The following COMMD1 variants were observed in gnomAD, a reference collection of about 807,000 sequenced individuals.
COMMD1 encodes the protein copper metabolism domain containing 1, also known as COMM domain-containing protein 1.
Under a neutral mutation model 17.2 loss-of-function variants are expected in COMMD1, and 10 were observed. That is an observed-to-expected ratio of 0.58 (90% CI 0.36 to 0.99). COMMD1 has a LOEUF of 0.99. Among genes scored for constraint, COMMD1 ranks in the 50% least tolerant of loss-of-function variants. COMMD1 has a pLI of 0.01. For synonymous variants in COMMD1, 97 were observed against 91.6 expected (o/e 1.06, Z -0.34); for missense variants, 270 against 231.8 (o/e 1.17, Z -1.07).
At chr2:62,096,392 T>A (rs1367727974) in intron 2 of COMMD1, among the ~76,000 whole-genome samples, 1 of 152,192 alleles carries the variant, frequency 6.6e-6, no homozygotes, top group African/African-American at 2.4e-5. Context: ...GTCACCATGT[T>A]TTTGAGTTAA....
At chr2:61,942,361 C>T (rs537667328) in intron 1 of COMMD1, among the ~76,000 whole-genome samples, 3 of 152,066 alleles carry the variant, frequency 2.0e-5, no homozygotes, top group East Asian at 1.9e-4. Context: ...ACCTCGGCCT[C>T]CCAAAGTGCT....
intron 2 of COMMD1, among the ~76,000 whole-genome samples, chr2:62,116,650 C>A (rs188306672): frequency 8.5e-6 from 1 of 118,052 alleles, no homozygotes; most frequent in African/African-American, 3.3e-5. Flanking sequence ...CCAGCCTGGG[C>A]GACAGAGCGA....
intron 1 of COMMD1, among the ~76,000 whole-genome samples, chr2:61,925,740 G>A (rs1208542520): frequency 1.3e-5 from 2 of 152,046 alleles, no homozygotes; most frequent in East Asian, 3.9e-4. Flanking sequence ...GTCTCTCTGG[G>A]CCTCATAATT....
At chr2:62,116,521 AAT>A (rs1672607357) in intron 2 of COMMD1, among the ~76,000 whole-genome samples, 1 of 151,862 alleles carries the variant, frequency 6.6e-6, no homozygotes, top group African/African-American at 2.4e-5. Context: ...AAAATACCCG[AAT>A]TAGTCGGGCG....
chr2:62,123,322 G>A (rs929485965), intron 2 of COMMD1, among the ~76,000 whole-genome samples: 1 of 151,828 alleles, frequency 6.6e-6, no homozygotes, highest in African/African-American at 2.4e-5. Context: ...TGGCCAATAT[G>A]GTGAAACCCC....
intron 1 of COMMD1, among the ~76,000 whole-genome samples, chr2:61,990,899 T>TACACACAC (rs1229251159): frequency 2.9e-5 from 2 of 69,294 alleles, no homozygotes; most frequent in African/African-American, 4.3e-5. Context: ...AAAATATATA[T>TACACACAC]ATATACACAC....
chr2:62,120,811 G>T (rs1672721665), intron 2 of COMMD1, among the ~76,000 whole-genome samples: 1 of 151,944 alleles, frequency 6.6e-6, no homozygotes, highest in Non-Finnish European at 1.5e-5. Context: ...CTGCAGTCTT[G>T]ACCTGTGCTC....
chr2:61,907,395 C>T (rs1265643050), intron 1 of COMMD1, among the ~76,000 whole-genome samples: 1 of 152,204 alleles, frequency 6.6e-6, no homozygotes, highest in South Asian at 2.1e-4. Flanking sequence ...GTGAGCCACC[C>T]GGCCCGGCCA....
intron 2 of COMMD1, among the ~76,000 whole-genome samples, chr2:62,019,099 T>C (rs1162013341): frequency 2.6e-4 from 26 of 100,012 alleles, no homozygotes; most frequent in African/African-American, 9.7e-4. Flanking sequence ...TCTCTCTCTC[T>C]CTTCCCTCCC....
intron 2 of COMMD1, among the ~76,000 whole-genome samples, chr2:62,018,194 A>T (rs77288733): frequency 3.0e-4 from 46 of 152,256 alleles, no homozygotes; most frequent in African/African-American, 1.1e-3. Context: ...CACATGGCAC[A>T]TGGCTACCCA....
intron 2 of COMMD1, among the ~76,000 whole-genome samples, chr2:62,014,084 A>G (rs1225099738): frequency 6.6e-6 from 1 of 152,126 alleles, no homozygotes; most frequent in African/African-American, 2.4e-5. Flanking sequence ...AGAGGAGGAG[A>G]GAAAAAGATG....
At chr2:61,894,024 G>C (rs1285891169) in intron 1 of COMMD1, among the ~76,000 whole-genome samples, 2 of 152,104 alleles carry the variant, frequency 1.3e-5, no homozygotes, top group African/African-American at 4.8e-5. Context: ...TTGTGCCTGT[G>C]ACTAGCCATT....
intron 1 of COMMD1, among the ~76,000 whole-genome samples, chr2:61,930,596 T>C (rs145475265): frequency 0.01 from 1,561 of 149,600 alleles, 25 homozygotes; most frequent in African/African-American, 0.036. Context: ...TCTAAGAGAC[T>C]ATTGGATAAA....
At chr2:61,920,069 T>C (rs915030222) in intron 1 of COMMD1, among the ~76,000 whole-genome samples, 5 of 152,212 alleles carry the variant, frequency 3.3e-5, no homozygotes, top group African/African-American at 1.2e-4. Context: ...GTTGAGGATG[T>C]GCAGGAGGAT....
chr2:62,086,395 C>T (rs951310787), intron 2 of COMMD1, among the ~76,000 whole-genome samples: 3 of 151,332 alleles, frequency 2.0e-5, no homozygotes, highest in African/African-American at 7.3e-5. Context: ...CCTGTAGTCC[C>T]AGCTGCTGGG....
chr2:62,117,685 C>A (rs1161738153), intron 2 of COMMD1, among the ~76,000 whole-genome samples: 1 of 152,154 alleles, frequency 6.6e-6, no homozygotes, highest in African/African-American at 2.4e-5. Flanking sequence ...TAAATGTTAG[C>A]CATTGTTGGT....
intron 2 of COMMD1, among the ~76,000 whole-genome samples, chr2:62,093,824 A>G (rs1671914107): frequency 6.6e-6 from 1 of 152,200 alleles, no homozygotes; most frequent in African/African-American, 2.4e-5. Flanking sequence ...CTCTGTTTCC[A>G]TAGCATGCCA....
At position 62,117,009 on chromosome 2, in the gene COMMD1, A is replaced by G. The variant is rs549387610; in HGVS notation, c.463-18822A>G. 1.8e-3 allele frequency among the ~76,000 whole-genome samples: 272 copies of G among 152,162 alleles called. 1 individual carries two copies. Among genetic ancestry groups the G allele is most frequent in the Middle Eastern group, 0.01 (3 of 292 alleles). On this transcript the variant is annotated intron_variant, in intron 2 of 2. Transcript: ENST00000311832. Reference sequence around the variant, plus strand: ...AAAACTTCGTCTCAAAAAAAAAAAAAAAAAAATGACAAAGATGAACCTTGC... The same window carrying G: ...AAAACTTCGTCTCAAAAAAAAAAAAGAAAAAATGACAAAGATGAACCTTGC...
At chr2:61,974,215 A>G (rs1333940817) in intron 1 of COMMD1, among the ~76,000 whole-genome samples, 1 of 152,068 alleles carries the variant, frequency 6.6e-6, no homozygotes, top group Non-Finnish European at 1.5e-5. Context: ...AATCGCTTGA[A>G]CCTGGGAGAC....
Sources: allele counts gnomAD v4.1 joint callset (sites outside exome capture counted in the v4.1 genomes callset), GRCh38; gene constraint gnomAD v4.1.1; transcripts MANE v1.5; gene names NCBI Gene and HGNC (gene_info 2026-07-23, HGNC 2026-07-21).